IRAK2: variants seen among roughly 807,000 people sequenced by gnomAD.
IRAK2 encodes interleukin 1 receptor associated kinase 2.
A neutral mutation model predicts 72.0 loss-of-function variants in IRAK2; 57 were observed. That is an observed-to-expected ratio of 0.79 (90% confidence interval 0.64 to 0.99). The LOEUF is 0.99. Among genes scored for constraint, IRAK2 ranks in the 50% least tolerant of loss-of-function variants. IRAK2 has a pLI of 0.00. For synonymous variants in IRAK2, 293 were observed against 312.7 expected, an observed-to-expected ratio of 0.94 and a Z score of 0.67; for missense variants, 790 against 794.4, an observed-to-expected ratio of 0.99 and a Z score of 0.07.
intron 7 of IRAK2, 42 bp from the exon 8 acceptor site, chr3:10,219,638 G>T (rs1323546561): frequency 6.7e-7 from 1 of 1,484,040 alleles, no homozygotes; most frequent in East Asian, 2.3e-5. Flanking sequence ...CTTTAAAAAG[G>T]TACATTGTGA....
At chr3:10,167,507 T>C (rs911071098) in intron 1 of IRAK2, among the ~76,000 whole-genome samples, 10 of 152,026 alleles carry the variant, frequency 6.6e-5, no homozygotes, top group Non-Finnish European at 1.0e-4. Flanking sequence ...CTCCACCTCC[T>C]GGGTTCATGC....
chr3:10,177,837 G>T lies in IRAK2; in HGVS notation c.95-1G>T. 6.2e-7 allele frequency: 1 copy of T among 1,611,898 alleles called. No individual in the cohort carries two copies. On this transcript the variant is annotated splice_acceptor_variant, in intron 1 of 12. Coordinates refer to ENST00000256458, the MANE Select transcript of IRAK2 (RefSeq NM_001570.4). LOFTEE classifies it high-confidence loss of function. ...AGCAGAGTTCTCTCCGTCCCTTCCA[G>T]CCTCCTACGTGATCACAGACCTGAC...
intron 9 of IRAK2, among the ~76,000 whole-genome samples, chr3:10,223,955 C>T (rs188621530): frequency 6.6e-6 from 1 of 152,340 alleles, no homozygotes; most frequent in Non-Finnish European, 1.5e-5. Context: ...TCCGTGTCTC[C>T]CAGCTGGTTC....
intron 2 of IRAK2, among the ~76,000 whole-genome samples, chr3:10,187,564 C>T (rs1697097185): frequency 6.6e-6 from 1 of 152,208 alleles, no homozygotes; most frequent in African/African-American, 2.4e-5. Context: ...AGATACCCTG[C>T]TGCAAACAAA....
intron 12 of IRAK2, among the ~76,000 whole-genome samples, chr3:10,241,441 C>T (rs1478230666): frequency 6.6e-6 from 1 of 150,530 alleles, no homozygotes; most frequent in Admixed American, 6.7e-5. Flanking sequence ...CGCCTATAAT[C>T]CCAGCTACTC....
intron 3 of IRAK2, among the ~76,000 whole-genome samples, chr3:10,208,106 G>A (rs1697459532): frequency 6.6e-6 from 1 of 151,852 alleles, no homozygotes; most frequent in African/African-American, 2.4e-5. Context: ...CTCCTCGGTG[G>A]GCGCAGGCAC....
At chr3:10,185,526 C>T (rs1230535922) in intron 2 of IRAK2, among the ~76,000 whole-genome samples, 4 of 141,742 alleles carry the variant, frequency 2.8e-5, no homozygotes, top group East Asian at 2.0e-4. Context: ...CCATTGTACT[C>T]CAGCCTGGGC....
Position 10,239,150 on chromosome 3 carries a change from C to T in IRAK2, c.1765+111C>T. On this transcript the variant is annotated intron_variant, in intron 12 of 12. Transcript: ENST00000256458. ...TCACTCCTTCATTTGGTTATTCAGC[C>T]ATTCACCAACCAGCCAGTTTTTCAC... 2.0e-6 allele frequency: 2 copies of T among 1,016,486 alleles called. 1 individual carries two copies. Among genetic ancestry groups the T allele is most frequent in the East Asian group, 5.2e-5 (2 of 38,408 alleles). 63.0% of individuals were successfully genotyped at this position (1,016,486 alleles called of 1,614,324 possible).
chr3:10,230,896 GCATGGACCA>G (rs1461124187), intron 10 of IRAK2, among the ~76,000 whole-genome samples: 1 of 152,092 alleles, frequency 6.6e-6, no homozygotes, highest in African/African-American at 2.4e-5. Context: ...GGGATTACAG[GCATGGACCA>G]ACATGCCCAG....
rs1003764695 is a variant in IRAK2, at chr3:10,177,292, GC to G, written c.95-543del. Among the ~76,000 whole-genome samples the G allele has an allele frequency of 2.0e-5, 3 of 152,276 alleles. No homozygotes were observed. The East Asian group carries it at 5.8e-4, about 29-fold the overall frequency. On this transcript the variant is annotated intron_variant, in intron 1 of 12. Transcript: ENST00000256458. ...GGGACTTAGCTGAGAGGAATGAGAT[GC>G]CCAGGGCAAAATGTAAGGAGGCGCT...
intron 1 of IRAK2, among the ~76,000 whole-genome samples, chr3:10,174,029 C>T (rs775172537): frequency 6.6e-6 from 1 of 152,126 alleles, no homozygotes; most frequent in Non-Finnish European, 1.5e-5. Context: ...CTGCCACCCA[C>T]GAGGGGTGGC....
rs149418885 is a variant in IRAK2, at chr3:10,212,963, T to C, written c.529-244T>C. Among the ~76,000 whole-genome samples, 554 of 151,930 alleles carry C rather than the reference T, an allele frequency of 3.6e-3. 4 individuals are homozygous for C. Among genetic ancestry groups the C allele is most frequent in the African/African-American group, 0.013 (520 of 41,434 alleles). On this transcript the variant is annotated intron_variant, in intron 4 of 12. Transcript: ENST00000256458. ...TTTGTATTTTTTAGTAGAGACGGGG[T>C]TTCACTGTGTTAGCCAGGATGGTCT...
intron 1 of IRAK2, among the ~76,000 whole-genome samples, chr3:10,167,362 T>G (rs1284382166): frequency 6.6e-6 from 1 of 152,354 alleles, no homozygotes; most frequent in Middle Eastern, 3.4e-3. Flanking sequence ...TGTGACTGAC[T>G]TGTTTCAACT....
intron 12 of IRAK2, among the ~76,000 whole-genome samples, chr3:10,241,796 C>A: frequency 1.3e-5 from 1 of 77,192 alleles, no homozygotes; most frequent in Admixed American, 1.9e-4. Flanking sequence ...AGTGAGACTC[C>A]ATCTCAAAAA....
intron 2 of IRAK2, among the ~76,000 whole-genome samples, chr3:10,197,715 G>A (rs1697292025): frequency 6.6e-6 from 1 of 150,582 alleles, no homozygotes; most frequent in African/African-American, 2.4e-5. Context: ...AGCCGGGTGT[G>A]GTGGTGGGCG....
In IRAK2 at chr3:10,189,496, G is replaced by T. The variant is rs75709483; in HGVS notation, c.278-10873G>T. 4.7e-3 allele frequency among the ~76,000 whole-genome samples: 715 copies of T among 152,386 alleles called. 24 individuals carry two copies. The South Asian group carries it at 0.083, about 18-fold the overall frequency. On this transcript the variant is annotated intron_variant, in intron 2 of 12. Transcript: ENST00000256458. ...GCCTGTGAGGTTCCAGATGTCAACT[G>T]AGTAGGACAGGAAGACACTTCAGGA...
chr3:10,224,538 A>ACCCTGCACCCTGCACCCTGCACCCTGCG (rs138513067), intron 9 of IRAK2, among the ~76,000 whole-genome samples: 74 of 150,366 alleles, frequency 4.9e-4, no homozygotes, highest in African/African-American at 1.8e-3. Context: ...TGCACCCTGC[A>ACCCTGCACCCTGCACCCTGCACCCTGCG]CCTACCAAGA....
intron 10 of IRAK2, among the ~76,000 whole-genome samples, chr3:10,230,817 A>G (rs1559453065): frequency 6.6e-6 from 1 of 151,126 alleles, no homozygotes; most frequent in Non-Finnish European, 1.5e-5. Context: ...CAGTGGTGCA[A>G]TCTCCGCTCA....
chr3:10,176,495 T>A lies in IRAK2; in HGVS notation c.95-1343T>A, dbSNP rs183863636. Among the ~76,000 whole-genome samples the A allele has an allele frequency of 4.1e-3, 604 of 147,698 alleles. 6 individuals are homozygous for A. Among genetic ancestry groups the A allele is most frequent in the South Asian group, 0.027 (125 of 4,600 alleles). On this transcript the variant is annotated intron_variant, in intron 1 of 12. Coordinates refer to ENST00000256458, the MANE Select transcript of IRAK2 (RefSeq NM_001570.4). ...TGTTTATTTATTTATTTATTTATTT[T>A]GAGACAGAGTCTCTCTCTGTCTCCC...
Sources: allele counts gnomAD v4.1 joint callset (sites outside exome capture counted in the v4.1 genomes callset), GRCh38; gene constraint gnomAD v4.1.1; transcripts MANE v1.5; gene names NCBI Gene and HGNC (gene_info 2026-07-23, HGNC 2026-07-21).